The following SGCD variants were observed in gnomAD, a reference collection of about 807,000 sequenced individuals.
SGCD encodes delta-sarcoglycan.
A neutral mutation model predicts 36.6 loss-of-function variants in SGCD; 18 were observed. The ratio of observed to expected loss-of-function variants is 0.49; its 90% confidence interval spans 0.34 to 0.73. The LOEUF (loss-of-function observed/expected upper bound fraction) is 0.73. Ranked by LOEUF, SGCD falls within the 30% of genes least tolerant of loss-of-function variation. SGCD has a pLI of 0.01. For missense variants in SGCD, 387 were observed against 346.7 expected, an observed-to-expected ratio of 1.12 and a Z score of -0.92; for synonymous variants, 133 against 130.6, an observed-to-expected ratio of 1.02 and a Z score of -0.12.
At position 156,757,776 on chromosome 5, in the gene SGCD, A is replaced by C. The variant is rs376317697; in HGVS notation, c.699+72A>C. ...GGCCAACCCTTCCCATAACTGGTTG[A>C]CCTCGGAGTTGGATCCTACAGTGTA... On this transcript the variant is annotated intron_variant, in intron 8 of 8. Transcript: ENST00000337851. The C allele has an allele frequency of 5.2e-5, 80 of 1,544,094 alleles. No individual in the cohort carries two copies. The highest frequency in any genetic ancestry group is 6.6e-5 in the Non-Finnish European group (76 of 1,143,394).
intron 3 of SGCD, among the ~76,000 whole-genome samples, chr5:156,470,449 C>T (rs534244956): frequency 2.0e-5 from 3 of 151,932 alleles, no homozygotes; most frequent in Admixed American, 2.0e-4. Flanking sequence ...CCCACTAACT[C>T]GTCATTTAGC....
chr5:156,098,517 A>G (rs566171692), intron 1 of SGCD, among the ~76,000 whole-genome samples: 236 of 152,216 alleles, frequency 1.6e-3, no homozygotes, highest in Non-Finnish European at 2.5e-3. Context: ...TAATACAATT[A>G]TAGTTTATAT....
At chr5:156,389,547 C>T (rs887416321) in intron 3 of SGCD, among the ~76,000 whole-genome samples, 2 of 152,142 alleles carry the variant, frequency 1.3e-5, no homozygotes, top group Non-Finnish European at 2.9e-5. Flanking sequence ...ACAGTTTTTC[C>T]ATGGCCAGGG....
intron 3 of SGCD, among the ~76,000 whole-genome samples, chr5:156,487,963 TA>T (rs879895518): frequency 0.21 from 2,766 of 13,332 alleles, 31 homozygotes; most frequent in Non-Finnish European, 0.27. Context: ...ACATATATTA[TA>T]TATATATATA....
chr5:156,754,998 A>T (rs1488075881), intron 7 of SGCD, among the ~76,000 whole-genome samples: 3 of 152,228 alleles, frequency 2.0e-5, no homozygotes, highest in African/African-American at 7.2e-5. Flanking sequence ...GAAAAAGGAA[A>T]AACTAGAGAC....
At chr5:155,770,394 A>G in the SGCD span, among the ~76,000 whole-genome samples, 1 of 152,136 alleles carries the variant, frequency 6.6e-6, no homozygotes, top group Non-Finnish European at 1.5e-5. Flanking sequence ...AGAACATTCC[A>G]GGAAGATGGA....
intron 8 of SGCD, among the ~76,000 whole-genome samples, chr5:156,758,598 C>A (rs1757424023): frequency 6.6e-6 from 1 of 152,152 alleles, no homozygotes; most frequent in African/African-American, 2.4e-5. Context: ...GCAAACCACA[C>A]ACATATAAAA....
chr5:155,784,077 G>T, the SGCD span, among the ~76,000 whole-genome samples: 1 of 152,156 alleles, frequency 6.6e-6, no homozygotes, highest in African/African-American at 2.4e-5. Context: ...GGGCCTTCTA[G>T]TCCAATAAGA....
intron 1 of SGCD, among the ~76,000 whole-genome samples, chr5:155,985,743 C>G (rs1239413151): frequency 6.6e-6 from 1 of 152,176 alleles, no homozygotes; most frequent in Non-Finnish European, 1.5e-5. Flanking sequence ...TGGCCTCAAA[C>G]CATTTAAAAT....
chr5:156,766,053 C>A lies in SGCD; in HGVS notation c.*6663C>A, dbSNP rs930609814. On this transcript the variant is annotated 3_prime_UTR_variant, in exon 9 of 9. Coordinates refer to ENST00000337851, the MANE Select transcript of SGCD (RefSeq NM_000337.6). ...CAAGCTTAAAAAAAAAAAAAAAAGA[C>A]CGGAAAATACCTGGGTTGTTAGCCT... The A allele has an allele frequency of 7.0e-6, 1 of 143,026 alleles. No individual in the cohort carries two copies. The highest frequency in any genetic ancestry group is 1.5e-5 in the Non-Finnish European group (1 of 66,438). The allele number at this position is 143,026 out of a possible 1,614,324, so 8.9% of individuals were successfully genotyped here.
At chr5:156,043,925 G>C (rs575464091) in intron 1 of SGCD, among the ~76,000 whole-genome samples, 2 of 146,286 alleles carry the variant, frequency 1.4e-5, no homozygotes, top group East Asian at 3.9e-4. Context: ...TGTCTTCCAA[G>C]GGTAAAACAC....
chr5:156,464,759 C>T (rs1446041079), intron 3 of SGCD, among the ~76,000 whole-genome samples: 1 of 152,112 alleles, frequency 6.6e-6, no homozygotes, highest in East Asian at 1.9e-4. Context: ...GCACAATACA[C>T]CACAGTTCAT....
intron 3 of SGCD, among the ~76,000 whole-genome samples, chr5:156,447,530 A>G (rs1344927861): frequency 6.6e-6 from 1 of 152,158 alleles, no homozygotes; most frequent in Non-Finnish European, 1.5e-5. Context: ...TGGGAAACCT[A>G]GGTGTTTAAA....
At chr5:156,369,740 G>A (rs541667367) in intron 3 of SGCD, among the ~76,000 whole-genome samples, 5 of 152,266 alleles carry the variant, frequency 3.3e-5, no homozygotes, top group African/African-American at 1.2e-4. Flanking sequence ...CAGTCAGTGT[G>A]CAGAGGTTTG....
intron 4 of SGCD, among the ~76,000 whole-genome samples, chr5:156,532,915 T>A (rs552752955): frequency 6.6e-6 from 1 of 152,372 alleles, no homozygotes; most frequent in Non-Finnish European, 1.5e-5. Flanking sequence ...ATCACTTTGA[T>A]CTTCTATTTA....
chr5:156,295,042 A>G (rs776729094), intron 3 of SGCD, among the ~76,000 whole-genome samples: 3 of 152,158 alleles, frequency 2.0e-5, no homozygotes, highest in Non-Finnish European at 4.4e-5. Flanking sequence ...AAAAGGTTGG[A>G]AAGGATTGCT....
intron 1 of SGCD, among the ~76,000 whole-genome samples, chr5:156,114,522 G>C (rs1399427572): frequency 1.3e-5 from 2 of 151,904 alleles, no homozygotes; most frequent in East Asian, 3.9e-4. Context: ...TGAGAAATAG[G>C]TGTTGGAGGC....
Position 156,504,162 on chromosome 5 carries a change from C to A in SGCD, c.193-4439C>A, listed in dbSNP as rs187108617. ...GAGGTTGCAGTGAGCTGAGATCACA[C>A]TGTTGCACTCCAGCCTGGGTGACAA... On this transcript the variant is annotated intron_variant, in intron 3 of 8. Coordinates refer to ENST00000337851, the MANE Select transcript of SGCD (RefSeq NM_000337.6). 5.3e-3 allele frequency among the ~76,000 whole-genome samples: 793 copies of A among 150,422 alleles called. 4 individuals carry two copies. Among genetic ancestry groups the A allele is most frequent in the African/African-American group, 0.018 (748 of 40,800 alleles).
At chr5:156,154,968 G>C (rs922917216) in intron 3 of SGCD, among the ~76,000 whole-genome samples, 21 of 151,618 alleles carry the variant, frequency 1.4e-4, no homozygotes, top group Non-Finnish European at 2.5e-4. Flanking sequence ...CTCAATGTCT[G>C]CAGGGATGAG....
Sources: gnomAD v4.1 joint callset for allele counts (sites outside exome capture counted in the v4.1 genomes callset) on GRCh38, gnomAD v4.1.1 for gene constraint, MANE v1.5 for transcripts, NCBI Gene and HGNC (gene_info 2026-07-23, HGNC 2026-07-21) for gene names.